ATP2C1: variants seen among roughly 807,000 people sequenced by gnomAD.
ATP2C1 encodes calcium-transporting ATPase type 2C member 1.
Under a neutral mutation model 120.5 loss-of-function variants are expected in ATP2C1, and 31 were observed. That is an observed-to-expected ratio of 0.26 (90% CI 0.19 to 0.35). ATP2C1 has a LOEUF of 0.35. Among genes scored for constraint, ATP2C1 ranks in the 10% least tolerant of loss-of-function variants. ATP2C1 has a pLI of 1.00. For missense variants in ATP2C1, 731 were observed against 1,107.5 expected, an observed-to-expected ratio of 0.66 and a Z score of 4.83; for synonymous variants, 351 against 358.7, an observed-to-expected ratio of 0.98 and a Z score of 0.24.
At chr3:130,915,763 T>C (rs1189671468) in intron 2 of ATP2C1, among the ~76,000 whole-genome samples, 1 of 152,100 alleles carries the variant, frequency 6.6e-6, no homozygotes, top group Non-Finnish European at 1.5e-5. Context: ...GGACCTGGCT[T>C]TTGCCTGCAG....
Position 131,016,505 on chromosome 3 carries a change from T to C in ATP2C1, c.*316T>C, listed in dbSNP as rs540602773. On this transcript the variant is annotated 3_prime_UTR_variant, in exon 27 of 27. Transcript: ENST00000328560. ...ATGCCTTGCTGTATAAATTGAAATA[T>C]TGATACTGAACTGTCTTTTTAATGA... 42 of 754,612 alleles carry C rather than the reference T, an allele frequency of 5.6e-5. No homozygotes were observed. In the African/African-American group the frequency reaches 6.0e-4, roughly 11 times the overall value. The allele number at this position is 754,612 out of a possible 1,614,324, so 46.7% of individuals were successfully genotyped here.
intron 26 of ATP2C1, among the ~76,000 whole-genome samples, chr3:131,014,866 C>A (rs2063521675): frequency 6.6e-6 from 1 of 152,152 alleles, no homozygotes; most frequent in African/African-American, 2.4e-5. Flanking sequence ...TAAACTGGTA[C>A]CTTAGCAATC....
intron 20 of ATP2C1, among the ~76,000 whole-genome samples, chr3:130,985,133 CA>C (rs1165100700): frequency 1.3e-5 from 2 of 152,186 alleles, no homozygotes; most frequent in Non-Finnish European, 2.9e-5. Flanking sequence ...CATACATGTA[CA>C]GTGCTTACAT....
intron 2 of ATP2C1, chr3:130,930,051 G>A (rs140820122): frequency 8.2e-5 from 29 of 351,664 alleles, no homozygotes; most frequent in South Asian, 3.9e-4. Context: ...ACTTTGTCTT[G>A]CATGTTAAAC....
chr3:130,892,208 A>T (rs2069195246), upstream of ATP2C1, among the ~76,000 whole-genome samples: 1 of 152,216 alleles, frequency 6.6e-6, no homozygotes, highest in Non-Finnish European at 1.5e-5. Context: ...GTGACCCAAT[A>T]CCAAATTCTG....
At chr3:130,941,381 T>C (rs1052522996) in intron 7 of ATP2C1, among the ~76,000 whole-genome samples, 1 of 152,214 alleles carries the variant, frequency 6.6e-6, no homozygotes, top group African/African-American at 2.4e-5. Flanking sequence ...TTCAAAAGGT[T>C]GCTTCAATTT....
At chr3:130,923,296 G>C (rs538061656) in intron 2 of ATP2C1, among the ~76,000 whole-genome samples, 3 of 151,746 alleles carry the variant, frequency 2.0e-5, no homozygotes, top group African/African-American at 7.3e-5. Context: ...GTGCGACCTT[G>C]GCACACTGCA....
At chr3:130,932,563 C>T (rs1191100703) in intron 4 of ATP2C1, among the ~76,000 whole-genome samples, 1 of 152,148 alleles carries the variant, frequency 6.6e-6, no homozygotes, top group Non-Finnish European at 1.5e-5. Context: ...TTATTATCCT[C>T]TGAGCCTTAT....
Position 130,941,610 on chromosome 3 carries a change from G to C in ATP2C1, c.442G>C (p.Glu148Gln). Residue 148 changes from glutamate to glutamine, a missense_variant, in exon 8 of 28, where the codon GAG becomes CAG. Physicochemically the swap from Glu to Gln is conservative, Grantham distance 29. Transcript: ENST00000510168. ...TTACAGTGTGCGTGAAGGAAAATTG[G>C]AGCATACACTTGCCCGAGACTTGGT... ...ECHCVREGKL[E>Q]HTLARDLVPG... 1 of 1,613,848 alleles carries C rather than the reference G, an allele frequency of 6.2e-7. No individual in the cohort carries two copies. The highest frequency in any genetic ancestry group is 8.5e-7 in the Non-Finnish European group (1 of 1,179,950).
At chr3:130,907,339 T>C (rs2058181761) in intron 2 of ATP2C1, among the ~76,000 whole-genome samples, 2 of 152,106 alleles carry the variant, frequency 1.3e-5, no homozygotes, top group African/African-American at 2.4e-5. Context: ...CTTTTATTGT[T>C]TGTGCTTTAT....
intron 2 of ATP2C1, among the ~76,000 whole-genome samples, chr3:130,912,725 C>G (rs1481383492): frequency 6.8e-5 from 10 of 146,456 alleles, no homozygotes; most frequent in Non-Finnish European, 1.5e-4. Flanking sequence ...ACTAGAAATA[C>G]CATTTGACCC....
chr3:130,981,850 ATCT>A (rs796624081), intron 20 of ATP2C1, among the ~76,000 whole-genome samples: 165 of 152,304 alleles, frequency 1.1e-3, no homozygotes, highest in African/African-American at 3.8e-3. Context: ...CCATCCATAT[ATCT>A]TCTTTAGTGA....
At chr3:130,881,829 G>A (rs2068791249) in intron 1 of ATP2C1, among the ~76,000 whole-genome samples, 2 of 152,190 alleles carry the variant, frequency 1.3e-5, no homozygotes, top group Admixed American at 1.3e-4. Context: ...TTACATGTGG[G>A]ATTATTTTTA....
At position 130,910,043 on chromosome 3, in the gene ATP2C1, G is replaced by A. The variant is rs536451164; in HGVS notation, c.6+15268G>A. 2.7e-3 allele frequency among the ~76,000 whole-genome samples: 418 copies of A among 152,112 alleles called. 1 individual carries two copies. The highest frequency in any genetic ancestry group is 9.7e-3 in the African/African-American group (404 of 41,490). ...TTACATTTATTTCTCATAAGTATACGTGTATGCTTTTGTAAATGTTGAGGT... is the reference window on the plus strand; with the variant it reads ...TTACATTTATTTCTCATAAGTATACATGTATGCTTTTGTAAATGTTGAGGT... On this transcript the variant is annotated intron_variant, in intron 2 of 27. Transcript: ENST00000510168.
intron 8 of ATP2C1, among the ~76,000 whole-genome samples, chr3:130,948,989 C>T (rs1427048130): frequency 6.6e-6 from 1 of 152,142 alleles, no homozygotes; most frequent in Non-Finnish European, 1.5e-5. Context: ...CCCGACTGCT[C>T]TTTCCTTCTC....
At chr3:131,014,337 G>C (rs775014772) in intron 26 of ATP2C1, 2 of 1,612,254 alleles carry the variant, frequency 1.2e-6, no homozygotes, top group Non-Finnish European at 8.5e-7. Flanking sequence ...TACAGAGGTC[G>C]ATGCTAGCAG....
At chr3:130,918,060 A>G (rs747972359) in intron 2 of ATP2C1, among the ~76,000 whole-genome samples, 2 of 152,078 alleles carry the variant, frequency 1.3e-5, no homozygotes, top group African/African-American at 4.8e-5. Flanking sequence ...AAAGGATAAG[A>G]TATAGTGCTC....
chr3:130,885,761 A>T (rs2068953923), intron 1 of ATP2C1, among the ~76,000 whole-genome samples: 1 of 152,166 alleles, frequency 6.6e-6, no homozygotes, highest in Admixed American at 6.5e-5. Context: ...AGTACTCTAC[A>T]TGCCACAATT....
At chr3:130,996,863 T>C (rs1284570644) in intron 24 of ATP2C1, 67 bp downstream of exon 24, 2 of 1,127,550 alleles carry the variant, frequency 1.8e-6, no homozygotes, top group East Asian at 2.3e-5. Flanking sequence ...AATTAAGTTT[T>C]AAAACTTGAT....
Sources: allele counts gnomAD v4.1 joint callset (sites outside exome capture counted in the v4.1 genomes callset), GRCh38; gene constraint gnomAD v4.1.1; transcripts MANE v1.5; gene names NCBI Gene and HGNC (gene_info 2026-07-23, HGNC 2026-07-21).